The following MBOAT2 variants were observed in gnomAD, a reference collection of about 807,000 sequenced individuals.
MBOAT2 encodes the protein membrane bound glycerophospholipid O-acyltransferase 2.
In MBOAT2, 28 loss-of-function variants were observed where a neutral mutation model predicts 63.4. That is an observed-to-expected ratio of 0.44 (90% CI 0.33 to 0.61). The LOEUF (loss-of-function observed/expected upper bound fraction) is 0.61. Among genes scored for constraint, MBOAT2 ranks in the 20% least tolerant of loss-of-function variants. The pLI, the probability that MBOAT2 is intolerant of heterozygous loss-of-function variation, is 0.03. For missense variants in MBOAT2, 470 were observed against 605.8 expected (o/e 0.78, Z 2.35); for synonymous variants, 211 against 215.6 (o/e 0.98, Z 0.19).
chr2:8,957,059 T>C (rs559906627), intron 2 of MBOAT2, among the ~76,000 whole-genome samples: 159 of 152,336 alleles, frequency 1.0e-3, no homozygotes, highest in African/African-American at 3.5e-3. Flanking sequence ...TCAAAGTTAT[T>C]TGTGGATGAA....
At chr2:8,879,220 A>G (rs1253995836) in intron 6 of MBOAT2, among the ~76,000 whole-genome samples, 1 of 152,186 alleles carries the variant, frequency 6.6e-6, no homozygotes, top group African/African-American at 2.4e-5. Flanking sequence ...TCACTGTATC[A>G]AAGACCAGGG....
chr2:8,950,389 C>G (rs934095547), intron 2 of MBOAT2, among the ~76,000 whole-genome samples: 1 of 152,142 alleles, frequency 6.6e-6, no homozygotes, highest in Admixed American at 6.6e-5. Flanking sequence ...GCATCCTTCT[C>G]TTGTTCCTGT....
chr2:8,866,813 C>T (rs899703695), intron 9 of MBOAT2, among the ~76,000 whole-genome samples: 1 of 152,164 alleles, frequency 6.6e-6, no homozygotes, highest in Admixed American at 6.5e-5. Flanking sequence ...CTCTATACTC[C>T]ACATCCCCTC....
chr2:8,869,577 T>C (rs184732699), intron 8 of MBOAT2, among the ~76,000 whole-genome samples: 61 of 152,308 alleles, frequency 4.0e-4, no homozygotes, highest in African/African-American at 1.4e-3. Flanking sequence ...GTTTTATTGT[T>C]TATTAGTGCT....
intron 2 of MBOAT2, among the ~76,000 whole-genome samples, chr2:8,954,607 T>C (rs1349655103): frequency 2.0e-5 from 3 of 151,762 alleles, no homozygotes; most frequent in Admixed American, 1.3e-4. Context: ...TCTAGAAGAG[T>C]TGCCATTCCA....
intron 4 of MBOAT2, among the ~76,000 whole-genome samples, chr2:8,901,245 C>G (rs932345251): frequency 6.6e-6 from 1 of 152,130 alleles, no homozygotes; most frequent in Non-Finnish European, 1.5e-5. Flanking sequence ...GTCCCTGGAC[C>G]CTGCTGATCA....
intron 7 of MBOAT2, among the ~76,000 whole-genome samples, chr2:8,875,956 A>G (rs1201244083): frequency 1.3e-5 from 2 of 152,138 alleles, no homozygotes; most frequent in African/African-American, 4.8e-5. Flanking sequence ...TTCTACATTG[A>G]CTCTTTGTTG....
In MBOAT2 at chr2:8,858,631, G is replaced by A. The variant is rs751337812; in HGVS notation, c.*48C>T. The A allele has an allele frequency of 2.2e-5, 31 of 1,409,062 alleles. No homozygotes were observed. The highest frequency in any genetic ancestry group is 3.0e-5 in the Non-Finnish European group (31 of 1,027,478). 87.3% of individuals were successfully genotyped at this position (1,409,062 alleles called of 1,614,324 possible). A position where few individuals can be genotyped will look rare whatever the true frequency, so the allele number is the denominator to read the frequency against. On this transcript the variant is annotated 3_prime_UTR_variant, in exon 13 of 13. Coordinates refer to ENST00000305997, the MANE Select transcript of MBOAT2 (RefSeq NM_138799.4). Reference sequence around the variant, plus strand: ...ACCCCTTGAAAAGGTGCTAAGATTGGTTTCTGTTAACATCAAAAAAAAAAA... The same window carrying A: ...ACCCCTTGAAAAGGTGCTAAGATTGATTTCTGTTAACATCAAAAAAAAAAA...
rs1022188542 is a variant in MBOAT2, at chr2:8,858,447, T to C, written c.*232A>G. 4.4e-6 allele frequency: 2 copies of C among 457,422 alleles called. No homozygotes were observed. Among genetic ancestry groups the C allele is most frequent in the Admixed American group, 7.5e-5 (2 of 26,628 alleles). 28.3% of individuals were successfully genotyped at this position (457,422 alleles called of 1,614,324 possible). A position where few individuals can be genotyped will look rare whatever the true frequency, so the allele number is the denominator to read the frequency against. On this transcript the variant is annotated 3_prime_UTR_variant, in exon 13 of 13. Coordinates refer to ENST00000305997, the MANE Select transcript of MBOAT2 (RefSeq NM_138799.4). ...TACGGACAAGTGCTGAGGTTGGGAG[T>C]GCCCACTGAAATATGGAAATATTCT...
intron 4 of MBOAT2, among the ~76,000 whole-genome samples, chr2:8,895,303 A>G (rs1222756982): frequency 6.6e-6 from 1 of 152,096 alleles, no homozygotes; most frequent in Non-Finnish European, 1.5e-5. Context: ...GGTCCATTTT[A>G]CAGAGTGCTA....
chr2:8,906,817 T>G (rs895724666), intron 4 of MBOAT2, among the ~76,000 whole-genome samples: 28 of 152,374 alleles, frequency 1.8e-4, no homozygotes, highest in African/African-American at 6.3e-4. Flanking sequence ...AATTTGCCTA[T>G]GTAAATCACT....
At chr2:8,987,732 T>C (rs1671664449) in intron 1 of MBOAT2, among the ~76,000 whole-genome samples, 1 of 152,206 alleles carries the variant, frequency 6.6e-6, no homozygotes, top group Non-Finnish European at 1.5e-5. Context: ...GGCATCTTTA[T>C]ATGCCCTGGG....
Position 8,866,421 on chromosome 2 carries a change from T to G in MBOAT2, c.987+2025A>C, listed in dbSNP as rs141212694. Among the ~76,000 whole-genome samples the G allele has an allele frequency of 4.6e-5, 7 of 152,270 alleles. No homozygotes were observed. The East Asian group carries it at 9.7e-4, about 21-fold the overall frequency. ...AACAAAGGTGAGAAACACTGCTATA[T>G]CCATCATTCAACTTCAACAATGATC... On this transcript the variant is annotated intron_variant, in intron 9 of 12. Coordinates refer to ENST00000305997, the MANE Select transcript of MBOAT2 (RefSeq NM_138799.4).
intron 1 of MBOAT2, among the ~76,000 whole-genome samples, chr2:8,977,334 T>C (rs1670890374): frequency 6.6e-6 from 1 of 152,160 alleles, no homozygotes; most frequent in Admixed American, 6.6e-5. Flanking sequence ...TGAAGTTACA[T>C]ATCACACTTT....
At chr2:8,877,244 T>C in intron 6 of MBOAT2, 31 bp from the exon 7 acceptor site, 2 of 1,593,012 alleles carry the variant, frequency 1.3e-6, no homozygotes, top group Non-Finnish European at 1.7e-6. Flanking sequence ...ACCAGTGAGA[T>C]GCAGCATAAG....
At chr2:8,898,161 A>C (rs889356323) in intron 4 of MBOAT2, among the ~76,000 whole-genome samples, 2 of 152,186 alleles carry the variant, frequency 1.3e-5, no homozygotes, top group African/African-American at 4.8e-5. Context: ...GTGACATACA[A>C]AGAGAAGTTT....
chr2:8,928,460 G>T (rs951295033), intron 3 of MBOAT2, among the ~76,000 whole-genome samples: 6 of 152,154 alleles, frequency 3.9e-5, no homozygotes, highest in African/African-American at 1.4e-4. Context: ...CAAGAGGCAT[G>T]AATGAATTCT....
chr2:8,951,770 T>A (rs560542210), intron 2 of MBOAT2, among the ~76,000 whole-genome samples: 1 of 152,206 alleles, frequency 6.6e-6, no homozygotes, highest in African/African-American at 2.4e-5. Context: ...GTGGGATCAG[T>A]TGTAATGTCA....
At chr2:8,859,013 T>A (rs1043785984) in intron 12 of MBOAT2, 109 bp from the exon 13 acceptor site, 1 of 739,220 alleles carries the variant, frequency 1.4e-6, no homozygotes, top group Non-Finnish European at 2.2e-6. Context: ...ATTTGTTTAC[T>A]ACATTACTAC....
Sources: allele counts gnomAD v4.1 joint callset (sites outside exome capture counted in the v4.1 genomes callset), GRCh38; gene constraint gnomAD v4.1.1; transcripts MANE v1.5; gene names NCBI Gene and HGNC (gene_info 2026-07-23, HGNC 2026-07-21).